The following TRAPPC9 variants were observed in gnomAD, a reference collection of about 807,000 sequenced individuals.
The protein encoded by TRAPPC9 is trafficking protein particle complex subunit 9.
TRAPPC9 carries 83 observed loss-of-function variants against 124.0 expected under a neutral mutation model. The observed-to-expected ratio is 0.67, with a 90% confidence interval of 0.56 to 0.80. The LOEUF is 0.80. TRAPPC9 is among the 30% of genes least tolerant of loss of function. TRAPPC9 has a pLI of 0.00. For synonymous variants in TRAPPC9, 638 were observed against 617.5 expected, an observed-to-expected ratio of 1.03 and a Z score of -0.49; for missense variants, 1,302 against 1,508.3, an observed-to-expected ratio of 0.86 and a Z score of 2.27.
intron 19 of TRAPPC9, among the ~76,000 whole-genome samples, chr8:139,961,502 G>A (rs1282920332): frequency 8.0e-6 from 1 of 124,318 alleles, no homozygotes; most frequent in East Asian, 2.2e-4. Flanking sequence ...TACAGCCACT[G>A]AAACTGCAGC....
In TRAPPC9 at chr8:140,353,650, C is replaced by A. The variant is rs559387751; in HGVS notation, c.1495+6400G>T. ...CAAGGATGACCATCAGGCCGCGGGCCAGACCTGGTCCATAGGCCACGGTTT... is the reference window on the plus strand; with the variant it reads ...CAAGGATGACCATCAGGCCGCGGGCAAGACCTGGTCCATAGGCCACGGTTT... On this transcript the variant is annotated intron_variant, in intron 9 of 22. Coordinates refer to ENST00000438773, the MANE Select transcript of TRAPPC9 (RefSeq NM_001160372.4). This position sits in a 1 kb window ranked among gnomAD's most constrained non-coding sequence, Gnocchi z 4.2. Among the ~76,000 whole-genome samples the A allele has an allele frequency of 6.6e-6, 1 of 152,342 alleles. No individual in the cohort carries two copies. Among genetic ancestry groups the A allele is most frequent in the African/African-American group, 2.4e-5 (1 of 41,576 alleles).
chr8:139,927,027 G>C (rs1307637596), intron 19 of TRAPPC9, among the ~76,000 whole-genome samples: 1 of 152,126 alleles, frequency 6.6e-6, no homozygotes, highest in Non-Finnish European at 1.5e-5. Flanking sequence ...TTTCATCAAA[G>C]AAAGTTTCAA....
At chr8:140,333,136 A>AG (rs969094417) in intron 9 of TRAPPC9, among the ~76,000 whole-genome samples, 42 of 151,918 alleles carry the variant, frequency 2.8e-4, no homozygotes, top group Non-Finnish European at 4.9e-4. Flanking sequence ...AAAAAAAAAA[A>AG]AGAGAAAAAG....
intron 9 of TRAPPC9, among the ~76,000 whole-genome samples, chr8:140,333,329 A>C (rs937549414): frequency 1.3e-5 from 2 of 152,234 alleles, no homozygotes; most frequent in Non-Finnish European, 2.9e-5. Context: ...AAAACTATAT[A>C]TATGTAGATA....
chr8:139,871,649 A>T (rs1172579057), intron 21 of TRAPPC9, among the ~76,000 whole-genome samples: 2 of 152,214 alleles, frequency 1.3e-5, no homozygotes. Context: ...GATGTCTCTT[A>T]AAGAAAGCAG....
chr8:140,045,631 G>GAAAAAAAAAAAAAAAAAAAA (rs57243402), intron 17 of TRAPPC9, among the ~76,000 whole-genome samples: 1 of 33,252 alleles, frequency 3.0e-5, no homozygotes, highest in Admixed American at 4.0e-4. Context: ...CATCTCGGCA[G>GAAAAAAAAAAAAAAAAAAAA]AAAAAAAAAA....
chr8:140,048,884 C>A (rs1393392839), intron 17 of TRAPPC9, among the ~76,000 whole-genome samples: 19 of 152,226 alleles, frequency 1.2e-4, no homozygotes, highest in Admixed American at 1.2e-3. Flanking sequence ...GTCAGTACCA[C>A]CCCTCTAGTC....
At chr8:140,397,442 C>A (rs2069128905) in intron 7 of TRAPPC9, among the ~76,000 whole-genome samples, 178 bp downstream of exon 7, 1 of 152,124 alleles carries the variant, frequency 6.6e-6, no homozygotes. Context: ...AAGTTAAATA[C>A]CACAATGAAA....
chr8:140,143,404 C>T (rs899362764), intron 17 of TRAPPC9, among the ~76,000 whole-genome samples: 40 of 152,234 alleles, frequency 2.6e-4, no homozygotes, highest in African/African-American at 9.6e-4. Flanking sequence ...GGCTATATGT[C>T]AGTCACGTCT....
intron 21 of TRAPPC9, among the ~76,000 whole-genome samples, chr8:139,804,035 G>A (rs1160207890): frequency 4.0e-5 from 6 of 149,122 alleles, no homozygotes; most frequent in South Asian, 2.2e-4. Context: ...ACTATCCATC[G>A]CCGCCACCAC....
chr8:140,004,191 G>A (rs1369731086), intron 18 of TRAPPC9, among the ~76,000 whole-genome samples: 1 of 152,136 alleles, frequency 6.6e-6, no homozygotes, highest in Non-Finnish European at 1.5e-5. Flanking sequence ...TGGGGCCGGG[G>A]AGATGCAGAG....
At chr8:140,187,740 T>C (rs1304537524) in intron 17 of TRAPPC9, among the ~76,000 whole-genome samples, 1 of 152,152 alleles carries the variant, frequency 6.6e-6, no homozygotes, top group East Asian at 1.9e-4. Flanking sequence ...AGTGGCTCGA[T>C]CACAGCTCAC....
chr8:140,405,839 A>G (rs1259221496), intron 5 of TRAPPC9, 141 bp from the exon 6 acceptor site: 6 of 912,584 alleles, frequency 6.6e-6, no homozygotes, highest in Admixed American at 4.5e-5. Context: ...TTCACAGCTT[A>G]TATGCTTCCT....
chr8:140,244,699 TCCTTCATGAAAA>T (rs139625933), intron 16 of TRAPPC9, among the ~76,000 whole-genome samples: 2,536 of 152,150 alleles, frequency 0.017, 51 homozygotes, highest in African/African-American at 0.058. Flanking sequence ...TCTGGATAAT[TCCTTCATGAAAA>T]CCTTCTTGGA....
At chr8:140,458,076 CAGGGAG>C (rs1291652936), upstream of TRAPPC9, among the ~76,000 whole-genome samples, 1 of 62,586 alleles carries the variant, frequency 1.6e-5, no homozygotes, top group Non-Finnish European at 3.0e-5. Flanking sequence ...AAGCGGGGGA[CAGGGAG>C]AGGGTGGAGG....
chr8:139,731,378 A>G, intron 22 of TRAPPC9, 150 bp from the exon 23 acceptor site: 1 of 845,198 alleles, frequency 1.2e-6, no homozygotes, highest in Non-Finnish European at 1.9e-6. Context: ...CCAGCAGGTC[A>G]CTGCGCCTCT....
chr8:139,921,154 C>T (rs568431220), intron 19 of TRAPPC9, among the ~76,000 whole-genome samples: 45 of 152,334 alleles, frequency 3.0e-4, no homozygotes, highest in Middle Eastern at 3.4e-3. Flanking sequence ...TGGAACCACT[C>T]GGCTGTAGTC....
chr8:139,917,595 G>A (rs533598838), intron 19 of TRAPPC9, among the ~76,000 whole-genome samples: 7 of 152,280 alleles, frequency 4.6e-5, no homozygotes, highest in African/African-American at 1.4e-4. Flanking sequence ...TGGCGCCCCC[G>A]TCCCCCGGGC....
intron 21 of TRAPPC9, among the ~76,000 whole-genome samples, chr8:139,834,523 G>A (rs28575131): frequency 0.32 from 48,811 of 152,216 alleles, 10,363 homozygotes; most frequent in African/African-American, 0.59. Context: ...CAGCAGGCAG[G>A]CGGAACGTGG....
Sources: gnomAD v4.1 joint callset for allele counts (sites outside exome capture counted in the v4.1 genomes callset) on GRCh38, gnomAD v4.1.1 for gene constraint, Gnocchi (gnomAD v3.1) non-coding constraint, MANE v1.5 for transcripts, NCBI Gene and HGNC (gene_info 2026-07-23, HGNC 2026-07-21) for gene names.